Variants in SYT7 observed in about 807,000 individuals in gnomAD.
The protein encoded by SYT7 is synaptotagmin-7.
SYT7 carries 29 observed loss-of-function variants against 75.1 expected under a neutral mutation model. That is an observed-to-expected ratio of 0.39 (90% CI 0.29 to 0.53). SYT7 has a LOEUF of 0.53. Ranked by LOEUF, SYT7 falls within the 20% of genes least tolerant of loss-of-function variation. The pLI, the probability that SYT7 is intolerant of heterozygous loss-of-function variation, is 0.77. For synonymous variants in SYT7, 376 were observed against 401.7 expected, an observed-to-expected ratio of 0.94 and a Z score of 0.76; for missense variants, 693 against 953.2, an observed-to-expected ratio of 0.73 and a Z score of 3.59.
chr11:61,530,055 G>A (rs1487164542), intron 8 of SYT7, among the ~76,000 whole-genome samples: 3 of 152,152 alleles, frequency 2.0e-5, no homozygotes, highest in Admixed American at 6.5e-5. Flanking sequence ...AAGCACTCCC[G>A]CTGGAACACG....
At chr11:61,575,186 G>A (rs1302448075) in intron 1 of SYT7, among the ~76,000 whole-genome samples, 13 of 151,902 alleles carry the variant, frequency 8.6e-5, no homozygotes, top group Admixed American at 7.2e-4. Flanking sequence ...TCTCCCTCCC[G>A]TCTCCTACAA....
At chr11:61,544,509 C>T (rs7927179) in intron 5 of SYT7, among the ~76,000 whole-genome samples, 3 of 152,196 alleles carry the variant, frequency 2.0e-5, no homozygotes, top group Non-Finnish European at 4.4e-5. Context: ...CTCCAGGGGC[C>T]GGCCCAGGCC....
intron 12 of SYT7, among the ~76,000 whole-genome samples, chr11:61,520,888 G>A (rs969003033): frequency 1.3e-5 from 2 of 152,202 alleles, no homozygotes; most frequent in African/African-American, 4.8e-5. Flanking sequence ...TGTAACACAT[G>A]GTGGAACTTC....
Position 61,542,729 on chromosome 11 carries a change from C to A in SYT7, c.573-150G>T. The A allele has an allele frequency of 7.6e-7, 1 of 1,321,902 alleles. No homozygotes were observed. The allele number at this position is 1,321,902 out of a possible 1,614,324, so 81.9% of individuals were successfully genotyped here. A position where few individuals can be genotyped will look rare whatever the true frequency, so the allele number is the denominator to read the frequency against. On this transcript the variant is annotated intron_variant, in intron 5 of 12. Coordinates refer to ENST00000539008, the MANE Select transcript of SYT7 (RefSeq NM_001365809.2). The surrounding 1 kb of genome is among the most constrained non-coding windows in gnomAD (Gnocchi z 7.8). ...AGGCCTCCATCGGAGCTGTCGCCAC[C>A]GCCGTCGCCGCCACTGCCTCGCCCA...
chr11:61,573,955 G>T (rs956853164), intron 1 of SYT7, among the ~76,000 whole-genome samples: 2 of 152,240 alleles, frequency 1.3e-5, no homozygotes, highest in African/African-American at 4.8e-5. Context: ...GAGGATGGAG[G>T]CGCTAACGCA....
chr11:61,541,074 T>A (rs1590875843), intron 6 of SYT7: 2 of 985,238 alleles, frequency 2.0e-6, no homozygotes, highest in African/African-American at 1.7e-5. Context: ...GGGTGGGGTG[T>A]CTCTCCCAGG....
intron 9 of SYT7, among the ~76,000 whole-genome samples, chr11:61,527,207 A>G (rs369401339): frequency 6.6e-6 from 1 of 152,178 alleles, no homozygotes; most frequent in East Asian, 1.9e-4. Context: ...TTCCCGTCCC[A>G]TGCGGGGGAG....
chr11:61,542,726 C>T lies in SYT7; in HGVS notation c.573-147G>A. The T allele has an allele frequency of 8.9e-6, 12 of 1,347,992 alleles. No individual in the cohort carries two copies. Among genetic ancestry groups the T allele is most frequent in the Non-Finnish European group, 1.1e-5 (12 of 1,046,954 alleles). 83.5% of individuals were successfully genotyped at this position (1,347,992 alleles called of 1,614,324 possible). A position where few individuals can be genotyped will look rare whatever the true frequency, so the allele number is the denominator to read the frequency against. ...GCCAGGCCTCCATCGGAGCTGTCGC[C>T]ACCGCCGTCGCCGCCACTGCCTCGC... is the stretch of plus-strand genomic sequence containing the variant. On this transcript the variant is annotated intron_variant, in intron 5 of 12. Coordinates refer to ENST00000539008, the MANE Select transcript of SYT7 (RefSeq NM_001365809.2). The surrounding 1 kb of genome is among the most constrained non-coding windows in gnomAD (Gnocchi z 7.8).
At chr11:61,525,516 C>T (rs954579378) in intron 9 of SYT7, among the ~76,000 whole-genome samples, 1 of 152,186 alleles carries the variant, frequency 6.6e-6, no homozygotes, top group Non-Finnish European at 1.5e-5. Flanking sequence ...CTACTCTCAT[C>T]CTTCAGGTCT....
At chr11:61,538,629 TG>T (rs2062952805) in intron 6 of SYT7, among the ~76,000 whole-genome samples, 3 of 151,814 alleles carry the variant, frequency 2.0e-5, no homozygotes, top group Non-Finnish European at 4.4e-5. Context: ...GGCCTGTGGC[TG>T]GGACAGTCCC....
intron 1 of SYT7, among the ~76,000 whole-genome samples, chr11:61,573,410 T>C (rs1435622373): frequency 1.3e-5 from 2 of 152,006 alleles, no homozygotes; most frequent in African/African-American, 4.8e-5. Context: ...AGGGCAGGGG[T>C]CCAGGCTGGC....
At chr11:61,563,961 G>A (rs2063704445) in intron 1 of SYT7, among the ~76,000 whole-genome samples, 1 of 152,176 alleles carries the variant, frequency 6.6e-6, no homozygotes, top group Non-Finnish European at 1.5e-5. Flanking sequence ...AATCATTCAA[G>A]GTCTCAGATA....
At chr11:61,532,845 G>A in intron 8 of SYT7, 144 bp downstream of exon 8, 1 of 1,253,702 alleles carries the variant, frequency 8.0e-7, no homozygotes, top group Non-Finnish European at 1.1e-6. Context: ...ACCATGCTGG[G>A]CCTGGCTCTC....
At chr11:61,520,262 G>A (rs913378683) in intron 12 of SYT7, among the ~76,000 whole-genome samples, 7 of 151,714 alleles carry the variant, frequency 4.6e-5, no homozygotes, top group South Asian at 2.1e-4. Flanking sequence ...AGTGGCTGAC[G>A]CCCGTAATCC....
chr11:61,530,385 C>T (rs957697399), intron 8 of SYT7, among the ~76,000 whole-genome samples: 1 of 152,074 alleles, frequency 6.6e-6, no homozygotes, highest in Non-Finnish European at 1.5e-5. Flanking sequence ...ATGTGGCTTT[C>T]CTGCCCACAG....
intron 1 of SYT7, among the ~76,000 whole-genome samples, chr11:61,579,846 C>T (rs2064196257): frequency 1.3e-5 from 2 of 152,224 alleles, no homozygotes; most frequent in South Asian, 2.1e-4. Flanking sequence ...CCAGAACTGG[C>T]AGACTGGGGG....
chr11:61,574,276 C>G (rs1351389664), intron 1 of SYT7, among the ~76,000 whole-genome samples: 1 of 152,144 alleles, frequency 6.6e-6, no homozygotes, highest in East Asian at 1.9e-4. Context: ...ATCATCATAC[C>G]CATTTAACAG....
chr11:61,542,783 T>C lies in SYT7; in HGVS notation c.573-204A>G. ...GGCTGCAAAGCCCTCGCGCCCACCC[T>C]GAGGCCCCAGGCCGGCTCTGCCCAC... On this transcript the variant is annotated intron_variant, in intron 5 of 12. Transcript: ENST00000539008. This position sits in a 1 kb window ranked among gnomAD's most constrained non-coding sequence, Gnocchi z 7.8. Among the ~76,000 whole-genome samples, 1 of 152,138 alleles carries C rather than the reference T, an allele frequency of 6.6e-6. No individual in the cohort carries two copies. Among genetic ancestry groups the C allele is most frequent in the Admixed American group, 6.5e-5 (1 of 15,280 alleles).
At chr11:61,583,220 G>C (rs778560550), upstream of SYT7, among the ~76,000 whole-genome samples, 1 of 151,264 alleles carries the variant, frequency 6.6e-6, no homozygotes, top group African/African-American at 2.4e-5. Context: ...GAGTGAGCCC[G>C]GTCTCAAAAA....
Sources: gnomAD v4.1 joint callset for allele counts (sites outside exome capture counted in the v4.1 genomes callset) on GRCh38, gnomAD v4.1.1 for gene constraint, Gnocchi (gnomAD v3.1) non-coding constraint, MANE v1.5 for transcripts, NCBI Gene and HGNC (gene_info 2026-07-23, HGNC 2026-07-21) for gene names.